Variants in SHANK2 observed in about 807,000 individuals in gnomAD.
SHANK2 encodes the protein SH3 and multiple ankyrin repeat domains 2.
Under a neutral mutation model 133.7 loss-of-function variants are expected in SHANK2, and 43 were observed. That is an observed-to-expected ratio of 0.32 (90% CI 0.25 to 0.41). SHANK2 has a LOEUF of 0.41. SHANK2 is among the 10% of genes least tolerant of loss of function. The pLI is 1.00. For synonymous variants in SHANK2, 1,017 were observed against 952.8 expected, an observed-to-expected ratio of 1.07 and a Z score of -1.24; for missense variants, 1,994 against 2,235.8, an observed-to-expected ratio of 0.89 and a Z score of 2.18.
At chr11:70,832,265 CT>C (rs1565348674) in intron 11 of SHANK2, among the ~76,000 whole-genome samples, 7 of 152,212 alleles carry the variant, frequency 4.6e-5, no homozygotes. Context: ...TTTAAAAAAT[CT>C]GTAAGTGGAT....
intron 17 of SHANK2, among the ~76,000 whole-genome samples, chr11:70,505,525 C>T (rs928627993): frequency 5.3e-5 from 8 of 151,886 alleles, no homozygotes; most frequent in African/African-American, 1.9e-4. Flanking sequence ...CTGTGGGGAG[C>T]GAGGGGAGGA....
rs75023013 is a variant in SHANK2 at position 71,175,083 on chromosome 11, C to T, written c.-12-27745G>A. Among the ~76,000 whole-genome samples the T allele has an allele frequency of 1.8e-4, 27 of 151,928 alleles. No homozygotes were observed. Among genetic ancestry groups the T allele is most frequent in the Non-Finnish European group, 3.2e-4 (22 of 67,898 alleles). On this transcript the variant is annotated intron_variant, in intron 2 of 25. Coordinates refer to ENST00000601538, the MANE Select transcript of SHANK2 (RefSeq NM_012309.5). This position sits in a 1 kb window ranked among gnomAD's most constrained non-coding sequence, Gnocchi z 4.2. ...TTTCTGCAGCTACAAAACACACACA[C>T]GGTCGCATATGTGCATTTACCAGAG... is the stretch of plus-strand genomic sequence containing the variant.
intron 11 of SHANK2, among the ~76,000 whole-genome samples, chr11:70,825,422 GA>G (rs1948622550): frequency 6.6e-6 from 1 of 152,210 alleles, no homozygotes; most frequent in African/African-American, 2.4e-5. Context: ...TATGGACTTA[GA>G]GGGGGGAAGA....
At chr11:70,531,173 A>AAC (rs1554973115) in intron 17 of SHANK2, among the ~76,000 whole-genome samples, 2 of 151,160 alleles carry the variant, frequency 1.3e-5, no homozygotes, top group Non-Finnish European at 1.5e-5. Flanking sequence ...AAAAAAAAAA[A>AAC]AAAAAAAACA....
At chr11:70,740,358 T>C (rs1281987965) in intron 14 of SHANK2, among the ~76,000 whole-genome samples, 1 of 152,184 alleles carries the variant, frequency 6.6e-6, no homozygotes, top group Non-Finnish European at 1.5e-5. Context: ...AAACACTGTA[T>C]GTGTTCGACA....
At chr11:70,592,882 G>C (rs544301642) in intron 17 of SHANK2, among the ~76,000 whole-genome samples, 1 of 152,330 alleles carries the variant, frequency 6.6e-6, no homozygotes, top group South Asian at 2.1e-4. Flanking sequence ...CCTCGCCTGG[G>C]GTAGCACTCA....
chr11:70,903,751 G>A (rs569397387), intron 10 of SHANK2, among the ~76,000 whole-genome samples: 9 of 152,276 alleles, frequency 5.9e-5, no homozygotes, highest in Admixed American at 2.0e-4. Context: ...TTGCAACACC[G>A]CAGAGACTTC....
intron 8 of SHANK2, among the ~76,000 whole-genome samples, chr11:71,077,596 C>T (rs1326317585): frequency 1.3e-5 from 2 of 151,486 alleles, no homozygotes; most frequent in Non-Finnish European, 2.9e-5. Flanking sequence ...TTAGCACTAG[C>T]AGTAATTTTT....
intron 14 of SHANK2, among the ~76,000 whole-genome samples, chr11:70,770,932 T>TC (rs1233769290): frequency 7.4e-6 from 1 of 135,792 alleles, no homozygotes; most frequent in Non-Finnish European, 1.6e-5. Flanking sequence ...TTTTTTTTTT[T>TC]TTTTTTTTTT....
intron 14 of SHANK2, among the ~76,000 whole-genome samples, chr11:70,794,332 T>TTAGGCTGCCATTAGGAC (rs1565320850): frequency 9.9e-5 from 15 of 150,978 alleles, no homozygotes; most frequent in Non-Finnish European, 2.2e-4. Flanking sequence ...ACATAGCTGA[T>TTAGGCTGCCATTAGGAC]ATCACAGGCA....
At chr11:71,194,846 C>G (rs1214598504) in intron 2 of SHANK2, among the ~76,000 whole-genome samples, 1 of 152,150 alleles carries the variant, frequency 6.6e-6, no homozygotes, top group Non-Finnish European at 1.5e-5. Flanking sequence ...CTGCAGAGAG[C>G]AAGGACCATG....
chr11:70,907,657 T>C (rs2135711302), intron 10 of SHANK2: 1 of 223,506 alleles, frequency 4.5e-6, no homozygotes, highest in Middle Eastern at 1.4e-3. Context: ...GAGTTTATTT[T>C]AGAAATAAGA....
intron 11 of SHANK2, among the ~76,000 whole-genome samples, chr11:70,870,061 C>A (rs114678938): frequency 2.6e-5 from 4 of 152,042 alleles, no homozygotes; most frequent in Non-Finnish European, 4.4e-5. Context: ...GAGGTTGCGA[C>A]GAGGTAATAC....
intron 14 of SHANK2, among the ~76,000 whole-genome samples, chr11:70,765,281 T>C (rs1947095660): frequency 6.6e-6 from 1 of 152,204 alleles, no homozygotes; most frequent in African/African-American, 2.4e-5. Flanking sequence ...TTGGCCAGCA[T>C]GATTGGGTCA....
At chr11:70,874,832 C>G (rs1358422159) in intron 11 of SHANK2, among the ~76,000 whole-genome samples, 3 of 152,164 alleles carry the variant, frequency 2.0e-5, no homozygotes, top group Admixed American at 2.0e-4. Flanking sequence ...GCCCTCATGT[C>G]TGTTTCAAAT....
At chr11:70,840,969 CATATAGGA>C (rs1555061508) in intron 11 of SHANK2, among the ~76,000 whole-genome samples, 2 of 152,134 alleles carry the variant, frequency 1.3e-5, no homozygotes, top group African/African-American at 2.4e-5. Flanking sequence ...GTGTATAAAA[CATATAGGA>C]ATAGGCCAGG....
Position 70,535,468 on chromosome 11 carries a change from GTCCA to G in SHANK2, c.2062-32541_2062-32538del, listed in dbSNP as rs782323185. 5.4e-4 allele frequency among the ~76,000 whole-genome samples: 82 copies of G among 150,670 alleles called. No individual in the cohort carries two copies. The Middle Eastern group carries it at 0.028, about 51-fold the overall frequency. ...CATCAGTCCAACCATCAGTCCGTCC[GTCCA>G]TCCATCCATCCATCCATCCATCCGT... On this transcript the variant is annotated intron_variant, in intron 17 of 25. Transcript: ENST00000601538. This position sits in a 1 kb window ranked among gnomAD's most constrained non-coding sequence, Gnocchi z 4.3.
intron 9 of SHANK2, among the ~76,000 whole-genome samples, chr11:71,064,658 T>G (rs1452623033): frequency 2.9e-5 from 4 of 136,274 alleles, no homozygotes; most frequent in Non-Finnish European, 3.2e-5. Flanking sequence ...GTGAGAAGGG[T>G]GGTGGGGACA....
intron 17 of SHANK2, among the ~76,000 whole-genome samples, chr11:70,557,092 A>T (rs1255923507): frequency 6.6e-6 from 1 of 152,072 alleles, no homozygotes; most frequent in Non-Finnish European, 1.5e-5. Flanking sequence ...ACTCAGAAGG[A>T]CCCAACCACT....
Sources: allele counts gnomAD v4.1 joint callset (sites outside exome capture counted in the v4.1 genomes callset), GRCh38; gene constraint gnomAD v4.1.1; non-coding constraint Gnocchi (gnomAD v3.1); transcripts MANE v1.5; gene names NCBI Gene and HGNC (gene_info 2026-07-23, HGNC 2026-07-21).